The following PLEKHM2 variants were observed in gnomAD, a reference collection of about 807,000 sequenced individuals.
PLEKHM2 encodes pleckstrin homology and RUN domain containing M2, also known as pleckstrin homology domain-containing family M member 2.
PLEKHM2 carries 77 observed loss-of-function variants against 116.3 expected under a neutral mutation model. That is an observed-to-expected ratio of 0.66 (90% CI 0.55 to 0.80). The LOEUF is 0.80. Among genes scored for constraint, PLEKHM2 ranks in the 30% least tolerant of loss-of-function variants. The pLI is 0.00. For missense variants in PLEKHM2, 1,183 were observed against 1,354.9 expected, an observed-to-expected ratio of 0.87 and a Z score of 1.99; for synonymous variants, 562 against 571.0, an observed-to-expected ratio of 0.98 and a Z score of 0.22.
chr1:15,716,849 AC>A, intron 3 of PLEKHM2, 33 bp downstream of exon 3: 1 of 1,550,414 alleles, frequency 6.4e-7, no homozygotes. Flanking sequence ...TGGGGAAGGG[AC>A]CAGCTCCACC....
intron 1 of PLEKHM2, among the ~76,000 whole-genome samples, chr1:15,687,071 A>G (rs943463149): frequency 6.6e-5 from 10 of 150,548 alleles, no homozygotes; most frequent in Admixed American, 3.3e-4. Context: ...TACAGGCATG[A>G]GCCACCGTGC....
chr1:15,697,324 C>T (rs1641017934), intron 1 of PLEKHM2, among the ~76,000 whole-genome samples: 1 of 152,170 alleles, frequency 6.6e-6, no homozygotes, highest in South Asian at 2.1e-4. Context: ...CTCTGGTGTT[C>T]GCTGAGGGGC....
At chr1:15,731,389 C>A in intron 16 of PLEKHM2, 132 bp downstream of exon 16, 1 of 722,632 alleles carries the variant, frequency 1.4e-6, no homozygotes, top group Admixed American at 2.1e-5. Context: ...TGACAGGTGG[C>A]CTGGGGCTTC....
chr1:15,703,159 C>T (rs1270028948), intron 1 of PLEKHM2, among the ~76,000 whole-genome samples: 3 of 152,186 alleles, frequency 2.0e-5, no homozygotes, highest in East Asian at 1.9e-4. Flanking sequence ...TGTTACCTGG[C>T]GGCCTTCTCC....
At chr1:15,698,901 CTGAT>C (rs1178159257) in intron 1 of PLEKHM2, among the ~76,000 whole-genome samples, 2 of 152,250 alleles carry the variant, frequency 1.3e-5, no homozygotes, top group East Asian at 3.9e-4. Flanking sequence ...TGCAAGATCT[CTGAT>C]TGGTTCTTAT....
intron 1 of PLEKHM2, among the ~76,000 whole-genome samples, chr1:15,713,796 C>T (rs1024035904): frequency 2.0e-5 from 3 of 151,960 alleles, no homozygotes; most frequent in Non-Finnish European, 2.9e-5. Flanking sequence ...CCACTACGCC[C>T]GGCTAATTTT....
At chr1:15,730,784 C>A (rs186028228) in intron 15 of PLEKHM2, 62 bp downstream of exon 15, 1 of 1,364,552 alleles carries the variant, frequency 7.3e-7, no homozygotes, top group East Asian at 2.5e-5. Flanking sequence ...GCTGTCAGGT[C>A]CCCAGCGGGG....
intron 17 of PLEKHM2, 51 bp from the exon 18 acceptor site, chr1:15,732,299 G>A (rs2068155671): frequency 1.4e-6 from 2 of 1,446,288 alleles, no homozygotes; most frequent in African/African-American, 1.4e-5. Flanking sequence ...GACTTCTGGT[G>A]CAGACCAGCC....
rs1198936763 is a variant in PLEKHM2 at position 15,716,707 on chromosome 1, A to G, written c.168A>G (p.Gly56=). Reference sequence around the variant, plus strand: ...AGCAGCTCCTGTCCTGTTTTCTCAGACTGCAAGACCTCTCCTCTGGCTACT... The same window carrying G: ...AGCAGCTCCTGTCCTGTTTTCTCAGGCTGCAAGACCTCTCCTCTGGCTACT... ...CEHLDHALLY[G]LQDLSSGYWV... The change falls in exon 3 of 20, where the codon GGA becomes GGG. Residue 56 remains glycine, a splice_region_variant and synonymous_variant. Transcript: ENST00000375799. The G allele has an allele frequency of 3.2e-6, 5 of 1,563,144 alleles. No individual in the cohort carries two copies. Among genetic ancestry groups the G allele is most frequent in the Non-Finnish European group, 4.3e-6 (5 of 1,153,512 alleles).
upstream of PLEKHM2, chr1:15,681,647 G>A: frequency 1.3e-5 from 6 of 456,250 alleles, no homozygotes; most frequent in South Asian, 9.3e-5. Flanking sequence ...ATGCACCCTA[G>A]CCAGGATGGA....
rs776655442 is a variant in PLEKHM2 at position 15,727,392 on chromosome 1, C to A, written c.1320C>A (p.Gly440=). 6 of 1,603,436 alleles carry A rather than the reference C, an allele frequency of 3.7e-6. No homozygotes were observed. Among genetic ancestry groups the A allele is most frequent in the Non-Finnish European group, 5.1e-6 (6 of 1,175,692 alleles). The change falls in exon 9 of 20, where the codon GGC becomes GGA. Residue 440 remains glycine (G), a synonymous_variant. Coordinates refer to ENST00000375799, the MANE Select transcript of PLEKHM2 (RefSeq NM_015164.4). This position sits in a 1 kb window ranked among gnomAD's most constrained non-coding sequence, Gnocchi z 7.5. ...CCCCAGACCAGTCCTTTCGGACCGG[C>A]TCTCCCGGGGATGCCCCGGAGAGGC... is the stretch of plus-strand genomic sequence containing the variant. ...AEPPDQSFRT[G]SPGDAPERPP... is the part of the protein sequence containing the mutation.
chr1:15,693,118 G>A (rs1640921635), intron 1 of PLEKHM2, among the ~76,000 whole-genome samples: 1 of 150,198 alleles, frequency 6.7e-6, no homozygotes, highest in Admixed American at 6.7e-5. Flanking sequence ...TCGGCTCACT[G>A]CAACCTCCAC....
chr1:15,724,076 A>G (rs528280894), intron 7 of PLEKHM2, among the ~76,000 whole-genome samples: 1 of 152,130 alleles, frequency 6.6e-6, no homozygotes, highest in African/African-American at 2.4e-5. Context: ...GCCCTGTTCC[A>G]GTAACCAGGG....
At chr1:15,710,546 C>CA (rs1641312100) in intron 1 of PLEKHM2, among the ~76,000 whole-genome samples, 1 of 151,766 alleles carries the variant, frequency 6.6e-6, no homozygotes, top group African/African-American at 2.4e-5. Flanking sequence ...AGGCTGGTCT[C>CA]AAACTCCTGA....
chr1:15,729,275 G>C lies in PLEKHM2; in HGVS notation c.2075+85G>C. The stretch of plus-strand genomic sequence containing the variant: ...GGGTGGCCTGGGGGTCAGGGGTGGA[G>C]GTGGAAAGTGGGAGATCCAGGAGGG... On this transcript the variant is annotated intron_variant, in intron 13 of 19. Coordinates refer to ENST00000375799, the MANE Select transcript of PLEKHM2 (RefSeq NM_015164.4). This position sits in a 1 kb window ranked among gnomAD's most constrained non-coding sequence, Gnocchi z 4.7. 1 of 1,120,130 alleles carries C rather than the reference G, an allele frequency of 8.9e-7. No homozygotes were observed. The highest frequency in any genetic ancestry group is 2.0e-5 in the Admixed American group (1 of 50,524). The allele number at this position is 1,120,130 out of a possible 1,614,324, so 69.4% of individuals were successfully genotyped here. A position where few individuals can be genotyped will look rare whatever the true frequency, so the allele number is the denominator to read the frequency against.
At chr1:15,704,841 C>G (rs755330006) in intron 1 of PLEKHM2, among the ~76,000 whole-genome samples, 3 of 152,208 alleles carry the variant, frequency 2.0e-5, no homozygotes, top group Non-Finnish European at 2.9e-5. Flanking sequence ...ATACTGCCCA[C>G]GTTTTCTGCC....
At chr1:15,689,070 G>A (rs955132268) in intron 1 of PLEKHM2, among the ~76,000 whole-genome samples, 1 of 151,944 alleles carries the variant, frequency 6.6e-6, no homozygotes, top group Non-Finnish European at 1.5e-5. Context: ...CCAACATCGA[G>A]AAACCCCATC....
At chr1:15,733,757 C>T in intron 19 of PLEKHM2, 40 bp from the exon 20 acceptor site, 3 of 1,600,666 alleles carry the variant, frequency 1.9e-6, no homozygotes, top group Non-Finnish European at 2.6e-6. Context: ...TCCTGTGGCC[C>T]TCAGTGGCCC....
At chr1:15,695,693 G>T (rs1169393113) in intron 1 of PLEKHM2, among the ~76,000 whole-genome samples, 1 of 152,036 alleles carries the variant, frequency 6.6e-6, no homozygotes, top group Admixed American at 6.6e-5. Context: ...TGTATTTTTA[G>T]TAGTGATGGG....
Sources: allele counts gnomAD v4.1 joint callset (sites outside exome capture counted in the v4.1 genomes callset), GRCh38; gene constraint gnomAD v4.1.1; non-coding constraint Gnocchi (gnomAD v3.1); transcripts MANE v1.5; gene names NCBI Gene and HGNC (gene_info 2026-07-23, HGNC 2026-07-21).